The following EYA3 variants were observed in gnomAD, a reference collection of about 807,000 sequenced individuals.
The protein encoded by EYA3 is protein phosphatase EYA3.
In EYA3, 39 loss-of-function variants were observed where a neutral mutation model predicts 80.0. That is an observed-to-expected ratio of 0.49 (90% CI 0.38 to 0.64). The LOEUF is 0.64. Among genes scored for constraint, EYA3 ranks in the 30% least tolerant of loss-of-function variants. The pLI is 0.00. For synonymous variants in EYA3, 206 were observed against 232.8 expected, an observed-to-expected ratio of 0.88 and a Z score of 1.05; for missense variants, 523 against 676.1, an observed-to-expected ratio of 0.77 and a Z score of 2.51.
In EYA3 at chr1:28,026,483, T is replaced by C. The variant is rs184024712; in HGVS notation, c.499+1306A>G. Among the ~76,000 whole-genome samples the C allele has an allele frequency of 2.2e-3, 341 of 152,200 alleles. 3 individuals carry two copies. Among genetic ancestry groups the C allele is most frequent in the Admixed American group, 0.018 (275 of 15,288 alleles). On this transcript the variant is annotated intron_variant, in intron 7 of 17. Transcript: ENST00000373871. ...TATAGAATACATTAGCTGGGTGTGG[T>C]GGTGTGCACCTGCAGTCCCAGCTAC...
At chr1:28,086,313 A>C (rs1316747902) in intron 1 of EYA3, among the ~76,000 whole-genome samples, 1 of 152,070 alleles carries the variant, frequency 6.6e-6, no homozygotes, top group Non-Finnish European at 1.5e-5. Flanking sequence ...TCTTGGGCTC[A>C]AGCAATCCTC....
At chr1:27,979,342 T>C (rs1472049667) in intron 16 of EYA3, among the ~76,000 whole-genome samples, 6 of 152,208 alleles carry the variant, frequency 3.9e-5, no homozygotes, top group African/African-American at 1.2e-4. Flanking sequence ...AGCCCCAGAA[T>C]AGAACTGAGA....
At position 28,079,592 on chromosome 1, in the gene EYA3, C is replaced by T. The variant is rs146429498; in HGVS notation, c.-69+8932G>A. 4.6e-3 allele frequency among the ~76,000 whole-genome samples: 694 copies of T among 152,154 alleles called. 8 individuals are homozygous for T. The highest frequency in any genetic ancestry group is 0.016 in the African/African-American group (652 of 41,492). On this transcript the variant is annotated intron_variant, in intron 1 of 17. Transcript: ENST00000373871. ...TAACGATAGAAGCTCAGCATACAAC[C>T]GAGCATTTTCAACCTCACGATTCCA...
chr1:28,085,313 A>G (rs1042595120), intron 1 of EYA3, among the ~76,000 whole-genome samples: 23 of 152,114 alleles, frequency 1.5e-4, no homozygotes, highest in African/African-American at 4.8e-4. Flanking sequence ...TTAGCCAGGT[A>G]TGGTGGCATG....
At chr1:28,087,745 TGTCAATTAACA>T (rs1200741666) in intron 1 of EYA3, among the ~76,000 whole-genome samples, 10 of 152,336 alleles carry the variant, frequency 6.6e-5, no homozygotes, top group African/African-American at 2.4e-4. Context: ...CTTCATGACT[TGTCAATTAACA>T]AGATCGCGCC....
rs547080096 is a variant in EYA3 at position 28,069,255 on chromosome 1, C to T, written c.-68-11161G>A. Among the ~76,000 whole-genome samples the T allele has an allele frequency of 4.0e-4, 61 of 152,208 alleles. 1 individual carries two copies. The South Asian group carries it at 0.012, about 31-fold the overall frequency. On this transcript the variant is annotated intron_variant, in intron 1 of 17. Coordinates refer to ENST00000373871, the MANE Select transcript of EYA3 (RefSeq NM_001990.4). Reference sequence around the variant, plus strand: ...CCTCCCAAGTAGCTGGGACTACAGGCACATGCCACCACACTCGGCTAATTT... The same window carrying T: ...CCTCCCAAGTAGCTGGGACTACAGGTACATGCCACCACACTCGGCTAATTT...
At chr1:27,986,997 C>T (rs557212536) in intron 16 of EYA3, among the ~76,000 whole-genome samples, 16 of 152,244 alleles carry the variant, frequency 1.1e-4, no homozygotes, top group East Asian at 5.8e-4. Flanking sequence ...CCACTGTACC[C>T]GGCCTCTTAA....
chr1:27,978,570 G>T, intron 16 of EYA3, 96 bp from the exon 17 acceptor site: 1 of 939,772 alleles, frequency 1.1e-6, no homozygotes, highest in Non-Finnish European at 1.7e-6. Context: ...CTGTGCTTAG[G>T]TGGACTAAGT....
At chr1:27,985,068 C>G (rs1470645566) in intron 16 of EYA3, among the ~76,000 whole-genome samples, 2 of 151,896 alleles carry the variant, frequency 1.3e-5, no homozygotes. Context: ...TAAAAACAAT[C>G]TTCAATTCAA....
intron 2 of EYA3, among the ~76,000 whole-genome samples, chr1:28,056,879 A>G (rs1452475388): frequency 6.6e-6 from 1 of 152,184 alleles, no homozygotes; most frequent in Non-Finnish European, 1.5e-5. Context: ...CAATGGCATA[A>G]TTTTTCCTGG....
intron 17 of EYA3, chr1:27,977,179 G>C: frequency 2.1e-6 from 3 of 1,456,258 alleles, no homozygotes; most frequent in Non-Finnish European, 1.8e-6. Context: ...AAGCACTTTA[G>C]AATCAAAGCT....
At chr1:28,051,761 T>C (rs1349746287) in intron 2 of EYA3, among the ~76,000 whole-genome samples, 1 of 151,840 alleles carries the variant, frequency 6.6e-6, no homozygotes, top group Non-Finnish European at 1.5e-5. Flanking sequence ...TAAAAGAAAT[T>C]TAAGAAGAGC....
At chr1:28,077,894 A>G (rs1464317609) in intron 1 of EYA3, among the ~76,000 whole-genome samples, 1 of 152,202 alleles carries the variant, frequency 6.6e-6, no homozygotes, top group African/African-American at 2.4e-5. Context: ...TCAGTCCTAT[A>G]TATCAGCTTA....
chr1:27,981,371 C>T (rs1639289804), intron 16 of EYA3, among the ~76,000 whole-genome samples: 1 of 152,136 alleles, frequency 6.6e-6, no homozygotes, highest in African/African-American at 2.4e-5. Context: ...CCTGATGAGC[C>T]TGCGGGTGCC....
chr1:28,058,698 G>A (rs1410662438), intron 1 of EYA3, among the ~76,000 whole-genome samples: 1 of 152,078 alleles, frequency 6.6e-6, no homozygotes, highest in Admixed American at 6.6e-5. Context: ...CCAAAGATAG[G>A]ACCTAATTTA....
At chr1:28,034,062 G>A (rs926742318) in intron 6 of EYA3, among the ~76,000 whole-genome samples, 3 of 151,852 alleles carry the variant, frequency 2.0e-5, no homozygotes, top group African/African-American at 7.2e-5. Context: ...GCTTGGTGGT[G>A]CACACAGCGA....
chr1:28,004,853 GAAGA>G (rs1395860003), intron 10 of EYA3, among the ~76,000 whole-genome samples: 3 of 152,056 alleles, frequency 2.0e-5, no homozygotes, highest in Middle Eastern at 3.4e-3. Flanking sequence ...GAGATAAATA[GAAGA>G]GAGACTACAA....
chr1:28,001,845 C>G (rs1306790948), intron 11 of EYA3, among the ~76,000 whole-genome samples: 3 of 150,936 alleles, frequency 2.0e-5, no homozygotes, highest in Non-Finnish European at 4.4e-5. Context: ...ATCCTCCTGC[C>G]TCAGCCTCCC....
At chr1:28,066,422 C>CA (rs537549636) in intron 1 of EYA3, among the ~76,000 whole-genome samples, 22 of 150,138 alleles carry the variant, frequency 1.5e-4, no homozygotes, top group African/African-American at 2.0e-4. Flanking sequence ...TTAGAAATGC[C>CA]AAAAAAAGAT....
Sources: gnomAD v4.1 joint callset for allele counts (sites outside exome capture counted in the v4.1 genomes callset) on GRCh38, gnomAD v4.1.1 for gene constraint, MANE v1.5 for transcripts, NCBI Gene and HGNC (gene_info 2026-07-23, HGNC 2026-07-21) for gene names.